KRCC1: variants seen among roughly 807,000 people sequenced by gnomAD.
KRCC1 encodes lysine-rich coiled-coil protein 1.
A neutral mutation model predicts 7.4 loss-of-function variants in KRCC1; 3 were observed. The ratio of observed to expected loss-of-function variants is 0.40; its 90% CI spans 0.18 to 1.04. KRCC1 has a LOEUF of 1.04. Ranked by LOEUF, KRCC1 falls within the 50% of genes least tolerant of loss-of-function variation. KRCC1 has a pLI of 0.33. For missense variants in KRCC1, 277 were observed against 300.9 expected (o/e 0.92, Z 0.59); for synonymous variants, 102 against 101.6 (o/e 1.00, Z -0.02).
Position 88,055,761 on chromosome 2 carries a change from A to ATCC in KRCC1, c.-427_-426insGGA. ...GCCGCCACCGCCGCCTCCGCCGCCG[A>ATCC]GCAGGCTGGATGGGAGGAGGAGGCG... On this transcript the variant is annotated 5_prime_UTR_variant, in exon 1 of 4. Coordinates refer to ENST00000347055, the MANE Select transcript of KRCC1 (RefSeq NM_016618.3). 1 of 154,336 alleles carries ATCC rather than the reference A, an allele frequency of 6.5e-6. No individual in the cohort carries two copies. The highest frequency in any genetic ancestry group is 6.5e-5 in the Admixed American group (1 of 15,308). 9.6% of individuals were successfully genotyped at this position (154,336 alleles called of 1,614,324 possible).
chr2:88,050,545 C>T (rs2104628036), intron 1 of KRCC1, among the ~76,000 whole-genome samples: 1 of 152,278 alleles, frequency 6.6e-6, no homozygotes, highest in East Asian at 1.9e-4. Context: ...ATCACTTGAA[C>T]CAGGGAGGGA....
chr2:88,044,037 T>C (rs1044540426), intron 1 of KRCC1, among the ~76,000 whole-genome samples: 10 of 152,128 alleles, frequency 6.6e-5, no homozygotes, highest in African/African-American at 2.2e-4. Flanking sequence ...TTTCTATATC[T>C]TATAGAAGAG....
chr2:88,027,400 A>T lies in KRCC1; in HGVS notation c.*384T>A. 6.1e-6 allele frequency: 1 copy of T among 164,036 alleles called. No homozygotes were observed. 10.2% of individuals were successfully genotyped at this position (164,036 alleles called of 1,614,324 possible). ...ATTGCTTCACAGAGAAAAACCAATGAACATAAAATACCCAACTCAAAACTA... is the reference window on the plus strand; with the variant it reads ...ATTGCTTCACAGAGAAAAACCAATGTACATAAAATACCCAACTCAAAACTA... On this transcript the variant is annotated 3_prime_UTR_variant, in exon 4 of 4. Coordinates refer to ENST00000347055, the MANE Select transcript of KRCC1 (RefSeq NM_016618.3).
At chr2:88,048,796 C>T (rs1014288901) in intron 1 of KRCC1, among the ~76,000 whole-genome samples, 1 of 152,200 alleles carries the variant, frequency 6.6e-6, no homozygotes, top group Non-Finnish European at 1.5e-5. Flanking sequence ...CTATCTTAAT[C>T]TTAGTAAAGA....
intron 1 of KRCC1, among the ~76,000 whole-genome samples, chr2:88,037,839 C>T (rs1673123933): frequency 6.6e-6 from 1 of 152,220 alleles, no homozygotes; most frequent in Non-Finnish European, 1.5e-5. Flanking sequence ...TTAGCTTCTA[C>T]AACTTTTGCT....
At chr2:88,044,655 C>T (rs1287002374) in intron 1 of KRCC1, among the ~76,000 whole-genome samples, 2 of 152,018 alleles carry the variant, frequency 1.3e-5, no homozygotes, top group Non-Finnish European at 2.9e-5. Flanking sequence ...AACGTAACTT[C>T]TTCATGCAAT....
chr2:88,050,804 T>C (rs1324247276), intron 1 of KRCC1, among the ~76,000 whole-genome samples: 2 of 152,164 alleles, frequency 1.3e-5, no homozygotes, highest in African/African-American at 2.4e-5. Context: ...ACCACAATAA[T>C]AAATTCTAAG....
intron 1 of KRCC1, among the ~76,000 whole-genome samples, chr2:88,050,800 A>G (rs919519257): frequency 6.6e-6 from 1 of 152,234 alleles, no homozygotes; most frequent in African/African-American, 2.4e-5. Context: ...TGACACCACA[A>G]TAATAAATTC....
chr2:88,050,919 ACTTG>A (rs200046467), intron 1 of KRCC1, among the ~76,000 whole-genome samples: 9 of 89,608 alleles, frequency 1.0e-4, no homozygotes, highest in Non-Finnish European at 4.5e-5. Flanking sequence ...TATCTTCCTT[ACTTG>A]CTTTTTTTTT....
At chr2:88,032,179 A>AAGTTTAC (rs1673007144) in intron 3 of KRCC1, among the ~76,000 whole-genome samples, 1 of 152,018 alleles carries the variant, frequency 6.6e-6, no homozygotes, top group Admixed American at 6.6e-5. Context: ...AATGTAGCCT[A>AAGTTTAC]AGTTTACAGT....
intron 1 of KRCC1, among the ~76,000 whole-genome samples, chr2:88,040,382 C>A (rs1673184261): frequency 6.6e-6 from 1 of 152,134 alleles, no homozygotes; most frequent in Non-Finnish European, 1.5e-5. Context: ...AGTTCAAGTT[C>A]TCCATGCTTT....
chr2:88,038,634 A>G (rs1309291716), intron 1 of KRCC1, among the ~76,000 whole-genome samples: 4 of 152,238 alleles, frequency 2.6e-5, no homozygotes, highest in Non-Finnish European at 5.9e-5. Flanking sequence ...TTTATAAAGG[A>G]AAAAGGTTTA....
chr2:88,028,557 G>T lies in KRCC1; in HGVS notation c.7C>A (p.His3Asn). Residue 3 changes from histidine to asparagine, a missense_variant, in exon 4 of 4, where the codon CAT becomes AAT. By Grantham distance (68) the His-to-Asn change is moderately conservative. Transcript: ENST00000347055. MK[H>N]SKKTYDSFQD... is the part of the protein sequence containing the mutation. Reference sequence around the variant, plus strand: ...AAAGAGTCATATGTCTTCTTTGAATGCTTCATTAGGTTGACAAAACGGGAT... The same window carrying T: ...AAAGAGTCATATGTCTTCTTTGAATTCTTCATTAGGTTGACAAAACGGGAT... 1 of 1,604,152 alleles carries T rather than the reference G, an allele frequency of 6.2e-7. No homozygotes were observed. The highest frequency in any genetic ancestry group is 8.5e-7 in the Non-Finnish European group (1 of 1,176,210).
rs187504873 is a variant in KRCC1, at chr2:88,028,360, G to T, written c.204C>A (p.Ile68=). Residue 68 remains isoleucine (I), a synonymous_variant, in exon 4 of 4, where the codon ATC becomes ATA. Transcript: ENST00000347055. The stretch of plus-strand genomic sequence containing the variant: ...TATTGCATGATCTTGGGTAGGTCTG[G>T]ATGGTTTCAGATGGGAGTCTCTGGT... ...MFDQRLPSET[I]QTYPRSCNIP... is the part of the protein sequence containing the mutation. The T allele has an allele frequency of 2.5e-6, 4 of 1,614,118 alleles. No homozygotes were observed. The South Asian group carries it at 4.4e-5, about 18-fold the overall frequency.
At chr2:88,034,797 C>T (rs1357787815) in intron 2 of KRCC1, among the ~76,000 whole-genome samples, 3 of 152,158 alleles carry the variant, frequency 2.0e-5, no homozygotes, top group Non-Finnish European at 4.4e-5. Context: ...TCTTTCCTTT[C>T]TCTGTCCCCA....
chr2:88,043,399 TTCCTGGCACAA>T (rs2104618381), intron 1 of KRCC1, among the ~76,000 whole-genome samples: 1 of 152,348 alleles, frequency 6.6e-6, no homozygotes, highest in East Asian at 1.9e-4. Flanking sequence ...TTCAAGTATA[TTCCTGGCACAA>T]TCTTGTATCT....
intron 1 of KRCC1, among the ~76,000 whole-genome samples, chr2:88,048,537 G>C (rs764823004): frequency 6.6e-6 from 1 of 152,122 alleles, no homozygotes; most frequent in Non-Finnish European, 1.5e-5. Flanking sequence ...TACATATATA[G>C]AACTTGTACT....
chr2:88,038,277 T>A (rs751236723), intron 1 of KRCC1, among the ~76,000 whole-genome samples: 8 of 152,184 alleles, frequency 5.3e-5, no homozygotes, highest in Non-Finnish European at 7.3e-5. Context: ...GATGGTGACA[T>A]CCAGACCTCA....
In KRCC1 at chr2:88,028,399, C is replaced by T. The variant is rs369866657; in HGVS notation, c.165G>A (p.Thr55=). The T allele has an allele frequency of 1.1e-5, 18 of 1,613,992 alleles. No individual in the cohort carries two copies. Among genetic ancestry groups the T allele is most frequent in the African/African-American group, 6.7e-5 (5 of 74,902 alleles). The change falls in exon 4 of 4, where the codon ACG becomes ACA. Residue 55 remains threonine, a synonymous_variant. Transcript: ENST00000347055. The part of the protein sequence containing the change: ...GYKGEVNSRP[T]YRMFDQRLPS... ...GGAGTCTCTGGTCAAACATTCTATA[C>T]GTGGGTCTGGAATTAACCTCTCCTT...
Sources: allele counts gnomAD v4.1 joint callset (sites outside exome capture counted in the v4.1 genomes callset), GRCh38; gene constraint gnomAD v4.1.1; transcripts MANE v1.5; gene names NCBI Gene and HGNC (gene_info 2026-07-23, HGNC 2026-07-21).